Variants in ARHGEF25 observed in about 807,000 individuals in gnomAD.
The protein encoded by ARHGEF25 is RAC/CDC42 exchange factor.
A neutral mutation model predicts 74.0 loss-of-function variants in ARHGEF25; 42 were observed. The observed-to-expected ratio is 0.57, with a 90% CI of 0.44 to 0.73. ARHGEF25 has a LOEUF of 0.73. Ranked by LOEUF, ARHGEF25 falls within the 30% of genes least tolerant of loss-of-function variation. The pLI, the probability that ARHGEF25 is intolerant of heterozygous loss-of-function variation, is 0.00. For synonymous variants in ARHGEF25, 293 were observed against 278.6 expected, an observed-to-expected ratio of 1.05 and a Z score of -0.51; for missense variants, 645 against 725.5, an observed-to-expected ratio of 0.89 and a Z score of 1.27.
chr12:57,614,118 G>T lies in ARHGEF25; in HGVS notation c.655G>T (p.Asp219Tyr), dbSNP rs141643619. The change falls in exon 6 of 15, where the codon GAC becomes TAC. Residue 219 changes from aspartate to tyrosine, a missense_variant and splice_region_variant. Coordinates refer to ENST00000286494, the MANE Select transcript of ARHGEF25 (RefSeq NM_182947.4). The surrounding 1 kb of genome is among the most constrained non-coding windows in gnomAD (Gnocchi z 4.6). ...CCAGCAAATCTATGAGTGGCACCGA[G>T]AGTGAGTGGTGGAACTCTGACAGCT... ...NIQQIYEWHR[D>Y]YFLQELQRCL... 3.7e-6 allele frequency: 6 copies of T among 1,614,138 alleles called. No homozygotes were observed. Among genetic ancestry groups the T allele is most frequent in the South Asian group, 1.1e-5 (1 of 91,064 alleles).
rs1884123737 is a variant in ARHGEF25 at position 57,613,075 on chromosome 12, G to T, written c.243G>T (p.Trp81Cys). The stretch of plus-strand genomic sequence containing the variant: ...GGCCCGTCAGTGGCCTGAGGAGATG[G>T]TTGGATCATTCCAAACATTGTCTCA... Reference protein sequence around the residue: ...PPGPVSGLRRWLDHSKHCLSV... With the variant: ...PPGPVSGLRRCLDHSKHCLSV... The change falls in exon 2 of 15, where the codon TGG becomes TGT. Residue 81 changes from tryptophan (W) to cysteine (C), a missense_variant. By Grantham distance (215) the Trp-to-Cys change is radical (BLOSUM62 -2). This residue lies in a region of ARHGEF25 where 189 missense variants were observed against 199.1 expected (regional missense o/e 0.95). Coordinates refer to ENST00000286494, the MANE Select transcript of ARHGEF25 (RefSeq NM_182947.4). The T allele has an allele frequency of 6.2e-7, 1 of 1,614,156 alleles. No individual in the cohort carries two copies. Among genetic ancestry groups the T allele is most frequent in the South Asian group, 1.1e-5 (1 of 91,084 alleles).
chr12:57,611,683 CT>C lies in ARHGEF25; in HGVS notation c.-211del. 1 of 1,071,698 alleles carries C rather than the reference CT, an allele frequency of 9.3e-7. No individual in the cohort carries two copies. The highest frequency in any genetic ancestry group is 1.7e-5 in the African/African-American group (1 of 60,094). 66.4% of individuals were successfully genotyped at this position (1,071,698 alleles called of 1,614,324 possible). A position where few individuals can be genotyped will look rare whatever the true frequency, so the allele number is the denominator to read the frequency against. ...CCAGCCCGGCGGCCGGGCCCCGCGCCTCTCTCTCTCTAGAGCCCCCAGCCCT... is the reference window on the plus strand; with the variant it reads ...CCAGCCCGGCGGCCGGGCCCCGCGCCCTCTCTCTCTAGAGCCCCCAGCCCT... On this transcript the variant is annotated 5_prime_UTR_variant, in exon 1 of 15. Transcript: ENST00000286494. This position sits in a 1 kb window ranked among gnomAD's most constrained non-coding sequence, Gnocchi z 4.5.
In ARHGEF25 at chr12:57,614,727, C is replaced by T. The variant is rs995795606; in HGVS notation, c.855C>T (p.Asn285=). The change falls in exon 9 of 15, where the codon AAC becomes AAT. Residue 285 remains asparagine (N), a synonymous_variant. Transcript: ENST00000286494. This position sits in a 1 kb window ranked among gnomAD's most constrained non-coding sequence, Gnocchi z 4.6. ...AGCTGGGGCACCGCCTGCAGCTGAA[C>T]GACCTCCTCATCAAACCTGTGCAGC... ...RQQLGHRLQL[N]DLLIKPVQRI... The T allele has an allele frequency of 1.9e-6, 3 of 1,613,338 alleles. No homozygotes were observed. The highest frequency in any genetic ancestry group is 1.7e-5 in the Admixed American group (1 of 59,920).
At position 57,614,072 on chromosome 12, in the gene ARHGEF25, C is replaced by T; in HGVS notation, c.609C>T (p.Asp203=). The part of the protein sequence containing the change: ...QGVPESLRGR[D]RIVFGNIQQI... ...TCCCCGAGAGTCTTCGAGGCCGTGA[C>T]AGGATTGTGTTTGGGAATATCCAGC... is the stretch of plus-strand genomic sequence containing the variant. Residue 203 remains aspartate (D), a synonymous_variant, in exon 6 of 15, where the codon GAC becomes GAT. Coordinates refer to ENST00000286494, the MANE Select transcript of ARHGEF25 (RefSeq NM_182947.4). The surrounding 1 kb of genome is among the most constrained non-coding windows in gnomAD (Gnocchi z 4.6). The T allele has an allele frequency of 6.2e-7, 1 of 1,614,126 alleles. No homozygotes were observed. Among genetic ancestry groups the T allele is most frequent in the South Asian group, 1.1e-5 (1 of 91,070 alleles).
At position 57,616,430 on chromosome 12, in the gene ARHGEF25, C is replaced by T. The variant is rs1388200939; in HGVS notation, c.1567C>T (p.Leu523Phe). Residue 523 changes from leucine to phenylalanine, a missense_variant, in exon 14 of 15, where the codon CTC becomes TTC. Coordinates refer to ENST00000286494, the MANE Select transcript of ARHGEF25 (RefSeq NM_182947.4). Reference sequence around the variant, plus strand: ...CACACACACACCCATCAATGGCTCTCTCCCCTCTCTGCTGCTGTCACCCAA... The same window carrying T: ...CACACACACACCCATCAATGGCTCTTTCCCCTCTCTGCTGCTGTCACCCAA... ...GSTHTPINGS[L>F]PSLLLSPKGE... 1.2e-6 allele frequency: 2 copies of T among 1,614,078 alleles called. No homozygotes were observed. Among genetic ancestry groups the T allele is most frequent in the Admixed American group, 3.3e-5 (2 of 60,008 alleles).
upstream of ARHGEF25, chr12:57,610,806 G>GGCGAC: frequency 1.3e-6 from 1 of 747,992 alleles, no homozygotes; most frequent in Admixed American, 3.1e-5. Flanking sequence ...CCATTTAATC[G>GGCGAC]CAGAGACCTC....
intron 2 of ARHGEF25, 56 bp from the exon 3 acceptor site, chr12:57,613,208 G>T: frequency 6.2e-7 from 1 of 1,610,520 alleles, no homozygotes; most frequent in Non-Finnish European, 8.5e-7. Context: ...GAGAGGGCAA[G>T]TTGGGGCCAC....
At position 57,616,397 on chromosome 12, in the gene ARHGEF25, C is replaced by G; in HGVS notation, c.1534C>G (p.Gln512Glu). Residue 512 changes from glutamine (Q) to glutamate (E), a missense_variant, in exon 14 of 15, where the codon CAG becomes GAG. Transcript: ENST00000286494. Reference sequence around the variant, plus strand: ...AAGAATTCAGCTTGGAGATCAGGCCCAGGGCAGCACACACACACCCATCAA... The same window carrying G: ...AAGAATTCAGCTTGGAGATCAGGCCGAGGGCAGCACACACACACCCATCAA... ...PGRIQLGDQA[Q>E]GSTHTPINGS... The G allele has an allele frequency of 6.2e-7, 1 of 1,613,994 alleles. No homozygotes were observed. Among genetic ancestry groups the G allele is most frequent in the Non-Finnish European group, 8.5e-7 (1 of 1,179,880 alleles).
rs573378009 is a variant in ARHGEF25 at position 57,612,627 on chromosome 12, A to G, written c.98-303A>G. ...GAGCAGATGGCCACCCCCAGCTTCC[A>G]ATGTCTGCCCAGATGGCTGCCCCCA... On this transcript the variant is annotated intron_variant, in intron 1 of 14. Coordinates refer to ENST00000286494, the MANE Select transcript of ARHGEF25 (RefSeq NM_182947.4). 5.9e-6 allele frequency: 6 copies of G among 1,017,276 alleles called. No individual in the cohort carries two copies. The African/African-American group carries it at 9.7e-5, about 16-fold the overall frequency. 63.0% of individuals were successfully genotyped at this position (1,017,276 alleles called of 1,614,324 possible).
At chr12:57,610,766 C>T, upstream of ARHGEF25, 1 of 1,207,472 alleles carries the variant, frequency 8.3e-7, no homozygotes, top group Non-Finnish European at 1.1e-6. Context: ...TTCTTATTAG[C>T]ATAAAGTTCG....
chr12:57,614,148 GC>G lies in ARHGEF25; in HGVS notation c.656+30del. On this transcript the variant is annotated intron_variant, in intron 6 of 14. Coordinates refer to ENST00000286494, the MANE Select transcript of ARHGEF25 (RefSeq NM_182947.4). This position sits in a 1 kb window ranked among gnomAD's most constrained non-coding sequence, Gnocchi z 4.6. ...AGTGGTGGAACTCTGACAGCTAGGT[GC>G]TGGAGAGGGGCCCTCATCTGGTTGT... 6.2e-7 allele frequency: 1 copy of G among 1,610,468 alleles called. No individual in the cohort carries two copies. Among genetic ancestry groups the G allele is most frequent in the Non-Finnish European group, 8.5e-7 (1 of 1,176,820 alleles).
intron 1 of ARHGEF25, 28 bp from the exon 2 acceptor site, chr12:57,612,902 T>G (rs1884110648): frequency 6.2e-7 from 1 of 1,605,724 alleles, no homozygotes; most frequent in Non-Finnish European, 8.5e-7. Context: ...GCAAGGTCTA[T>G]CACCTCCTCT....
chr12:57,616,230 G>C, intron 13 of ARHGEF25, 54 bp from the exon 14 acceptor site: 1 of 1,549,292 alleles, frequency 6.5e-7, no homozygotes, highest in South Asian at 1.2e-5. Context: ...ACAGGCCCTA[G>C]GGAGCAGACC....
At position 57,614,486 on chromosome 12, in the gene ARHGEF25, C is replaced by G. The variant is rs1352960515; in HGVS notation, c.727-30C>G. On this transcript the variant is annotated intron_variant, in intron 7 of 14. Transcript: ENST00000286494. The surrounding 1 kb of genome is among the most constrained non-coding windows in gnomAD (Gnocchi z 4.6). ...GATGCGTCCTCCCTCCTTGCCCACCCTGCTCTCTCTTAAACATTACCCCTG... is the reference window on the plus strand; with the variant it reads ...GATGCGTCCTCCCTCCTTGCCCACCGTGCTCTCTCTTAAACATTACCCCTG... The G allele has an allele frequency of 6.2e-7, 1 of 1,613,934 alleles. No homozygotes were observed. Among genetic ancestry groups the G allele is most frequent in the African/African-American group, 1.3e-5 (1 of 74,910 alleles).
In ARHGEF25 at chr12:57,611,873, G is replaced by A; in HGVS notation, c.-22G>A. Reference sequence around the variant, plus strand: ...CCCTGCATGGCCGGCCCGGGTGGGGGGCGCGGGGGGGCCCGGGCGCCATGC... The same window carrying A: ...CCCTGCATGGCCGGCCCGGGTGGGGAGCGCGGGGGGGCCCGGGCGCCATGC... On this transcript the variant is annotated 5_prime_UTR_variant, in exon 1 of 15. Transcript: ENST00000286494. This position sits in a 1 kb window ranked among gnomAD's most constrained non-coding sequence, Gnocchi z 4.5. 3 of 1,222,596 alleles carry A rather than the reference G, an allele frequency of 2.5e-6. No individual in the cohort carries two copies. The highest frequency in any genetic ancestry group is 3.1e-6 in the Non-Finnish European group (3 of 960,992). 75.7% of individuals were successfully genotyped at this position (1,222,596 alleles called of 1,614,324 possible). A position where few individuals can be genotyped will look rare whatever the true frequency, so the allele number is the denominator to read the frequency against.
At position 57,614,056 on chromosome 12, in the gene ARHGEF25, G is replaced by A. The variant is rs1177118328; in HGVS notation, c.593G>A (p.Ser198Asn). ...ATMAAQGVPE[S>N]LRGRDRIVFG... ...ATGGCTGCTCAGGGGGTCCCCGAGAGTCTTCGAGGCCGTGACAGGATTGTG... is the reference window on the plus strand; with the variant it reads ...ATGGCTGCTCAGGGGGTCCCCGAGAATCTTCGAGGCCGTGACAGGATTGTG... The change falls in exon 6 of 15, where the codon AGT (serine) becomes AAT (asparagine). Residue 198 changes from serine (S) to asparagine (N), a missense_variant. Ser to Asn is a conservative substitution (Grantham distance 46, BLOSUM62 1). This residue lies in a region of ARHGEF25 where 194 missense variants were observed against 269.4 expected (regional missense o/e 0.72). Coordinates refer to ENST00000286494, the MANE Select transcript of ARHGEF25 (RefSeq NM_182947.4). This position sits in a 1 kb window ranked among gnomAD's most constrained non-coding sequence, Gnocchi z 4.6. The A allele has an allele frequency of 5.0e-6, 8 of 1,614,030 alleles. No homozygotes were observed. Among genetic ancestry groups the A allele is most frequent in the African/African-American group, 1.3e-5 (1 of 74,902 alleles).
Position 57,614,497 on chromosome 12 carries a change from TAAAC to T in ARHGEF25, c.727-17_727-14del. On this transcript the variant is annotated splice_polypyrimidine_tract_variant and intron_variant, in intron 7 of 14. Transcript: ENST00000286494. The surrounding 1 kb of genome is among the most constrained non-coding windows in gnomAD (Gnocchi z 4.6). ...CCTCCTTGCCCACCCTGCTCTCTCT[TAAAC>T]ATTACCCCTGTTAGGAGCGCCGGCT... is the stretch of plus-strand genomic sequence containing the variant. 6.2e-7 allele frequency: 1 copy of T among 1,614,130 alleles called. No individual in the cohort carries two copies. Among genetic ancestry groups the T allele is most frequent in the South Asian group, 1.1e-5 (1 of 91,084 alleles).
chr12:57,610,370 C>A, upstream of ARHGEF25: 1 of 1,307,400 alleles, frequency 7.6e-7, no homozygotes, highest in Non-Finnish European at 1.0e-6. Context: ...TTCAGGAGGG[C>A]TGCACCCACA....
chr12:57,614,817 T>C lies in ARHGEF25; in HGVS notation c.909+36T>C. 6.3e-7 allele frequency: 1 copy of C among 1,582,768 alleles called. No individual in the cohort carries two copies. Among genetic ancestry groups the C allele is most frequent in the Non-Finnish European group, 8.6e-7 (1 of 1,161,646 alleles). ...CCTTTTTCCTGGGGGCACAGCTGGC[T>C]GGCACAGCTGTTTCCTCATTCATCT... On this transcript the variant is annotated intron_variant, in intron 9 of 14. Transcript: ENST00000286494. This position sits in a 1 kb window ranked among gnomAD's most constrained non-coding sequence, Gnocchi z 4.6.
Sources: allele counts gnomAD v4.1 joint callset, GRCh38; gene constraint gnomAD v4.1.1; regional missense constraint gnomAD v4.1.1; non-coding constraint Gnocchi (gnomAD v3.1); transcripts MANE v1.5; gene names NCBI Gene and HGNC (gene_info 2026-07-23, HGNC 2026-07-21).